PAPOLG: variants seen among roughly 807,000 people sequenced by gnomAD.
The protein encoded by PAPOLG is poly(A) polymerase gamma.
PAPOLG carries 40 observed loss-of-function variants against 99.0 expected under a neutral mutation model. The ratio of observed to expected loss-of-function variants is 0.40; its 90% CI spans 0.31 to 0.53. PAPOLG has a LOEUF of 0.53. Among genes scored for constraint, PAPOLG ranks in the 20% least tolerant of loss-of-function variants. The pLI is 0.41. For synonymous variants in PAPOLG, 310 were observed against 299.3 expected (o/e 1.04, Z -0.37); for missense variants, 675 against 884.1 (o/e 0.76, Z 3.00).
intron 17 of PAPOLG, among the ~76,000 whole-genome samples, chr2:60,792,557 T>C (rs928679367): frequency 6.6e-6 from 1 of 152,136 alleles, no homozygotes; most frequent in African/African-American, 2.4e-5. Flanking sequence ...TCCTCTGCAT[T>C]TTTCCCCCTT....
rs919988750 is a variant in PAPOLG at position 60,801,771 on chromosome 2, C to A, written c.*4611C>A. 5.3e-5 allele frequency: 8 copies of A among 152,176 alleles called. No individual in the cohort carries two copies. The highest frequency in any genetic ancestry group is 1.9e-4 in the African/African-American group (8 of 41,446). 9.4% of individuals were successfully genotyped at this position (152,176 alleles called of 1,614,324 possible). On this transcript the variant is annotated 3_prime_UTR_variant, in exon 22 of 22. Transcript: ENST00000238714. ...TTTCTGAAATAATTTTTCGGATATACTTTTATATTTGAAATTAGTTGAACA... is the reference window on the plus strand; with the variant it reads ...TTTCTGAAATAATTTTTCGGATATAATTTTATATTTGAAATTAGTTGAACA...
intron 14 of PAPOLG, among the ~76,000 whole-genome samples, 196 bp downstream of exon 14, chr2:60,787,262 C>A (rs1358458877): frequency 6.6e-6 from 1 of 152,064 alleles, no homozygotes; most frequent in Non-Finnish European, 1.5e-5. Context: ...CAGCAAAACA[C>A]CATCACAATA....
intron 3 of PAPOLG, among the ~76,000 whole-genome samples, chr2:60,766,031 G>C (rs906056364): frequency 2.6e-5 from 4 of 152,112 alleles, no homozygotes; most frequent in African/African-American, 4.8e-5. Flanking sequence ...TCATTACACA[G>C]AAGCATTAAC....
chr2:60,783,324 C>CTT (rs72172236), intron 13 of PAPOLG, 115 bp downstream of exon 13: 31,813 of 157,636 alleles, frequency 0.2, 4,269 homozygotes, highest in African/African-American at 0.34. Context: ...TATTATATCT[C>CTT]TTTTTTTTTT....
In PAPOLG at chr2:60,797,245, C is replaced by G. The variant is rs1671740139; in HGVS notation, c.*85C>G. The G allele has an allele frequency of 6.6e-7, 1 of 1,512,632 alleles. No individual in the cohort carries two copies. The highest frequency in any genetic ancestry group is 9.1e-7 in the Non-Finnish European group (1 of 1,095,426). The allele number at this position is 1,512,632 out of a possible 1,614,324, so 93.7% of individuals were successfully genotyped here. A position where few individuals can be genotyped will look rare whatever the true frequency, so the allele number is the denominator to read the frequency against. ...TTGTTTTTTAAATAGAAGTGGCTGT[C>G]ATACGTGAAATAAGGTGAAAGTGAC... On this transcript the variant is annotated 3_prime_UTR_variant, in exon 22 of 22. Coordinates refer to ENST00000238714, the MANE Select transcript of PAPOLG (RefSeq NM_022894.4).
intron 15 of PAPOLG, among the ~76,000 whole-genome samples, chr2:60,789,345 A>G (rs577408467): frequency 2.3e-3 from 342 of 151,510 alleles, no homozygotes; most frequent in African/African-American, 7.8e-3. Flanking sequence ...AAAATAAAAT[A>G]GAAAATAAAT....
chr2:60,783,148 T>C lies in PAPOLG; in HGVS notation c.1113-8T>C. 1 of 1,560,462 alleles carries C rather than the reference T, an allele frequency of 6.4e-7. No individual in the cohort carries two copies. Among genetic ancestry groups the C allele is most frequent in the Non-Finnish European group, 8.6e-7 (1 of 1,159,100 alleles). ...TTTTTTTCCTGATTGTTGCTGAAAA[T>C]TCTTCAGACATTATATAGTATTGAC... On this transcript the variant is annotated splice_region_variant and splice_polypyrimidine_tract_variant and intron_variant, in intron 12 of 21. Coordinates refer to ENST00000238714, the MANE Select transcript of PAPOLG (RefSeq NM_022894.4).
intron 13 of PAPOLG, among the ~76,000 whole-genome samples, chr2:60,786,045 C>T (rs1004903019): frequency 3.9e-5 from 6 of 151,944 alleles, no homozygotes; most frequent in African/African-American, 7.3e-5. Context: ...ACTACAATGG[C>T]GTTTTAAATG....
At position 60,798,562 on chromosome 2, in the gene PAPOLG, C is replaced by T. The variant is rs1450207069; in HGVS notation, c.*1402C>T. ...TGTATAGATTACACAGCCAGGAATGCTAGTATCTACCACCTTCTTTAGATT... is the reference window on the plus strand; with the variant it reads ...TGTATAGATTACACAGCCAGGAATGTTAGTATCTACCACCTTCTTTAGATT... On this transcript the variant is annotated 3_prime_UTR_variant, in exon 22 of 22. Transcript: ENST00000238714. 2 of 152,350 alleles carry T rather than the reference C, an allele frequency of 1.3e-5. No individual in the cohort carries two copies. Among genetic ancestry groups the T allele is most frequent in the African/African-American group, 4.8e-5 (2 of 41,426 alleles). The allele number at this position is 152,350 out of a possible 1,614,324, so 9.4% of individuals were successfully genotyped here. A position where few individuals can be genotyped will look rare whatever the true frequency, so the allele number is the denominator to read the frequency against.
In PAPOLG at chr2:60,787,527, A is replaced by G. The variant is rs531545418; in HGVS notation, c.1303A>G (p.Met435Val). 6.6e-5 allele frequency: 106 copies of G among 1,613,776 alleles called. No individual in the cohort carries two copies. Among genetic ancestry groups the G allele is most frequent in the Admixed American group, 3.7e-4 (22 of 59,964 alleles). Residue 435 changes from methionine (M) to valine (V), a missense_variant, in exon 15 of 22, where the codon ATG becomes GTG. Met to Val is a conservative substitution (Grantham distance 21, BLOSUM62 1). Transcript: ENST00000238714. ...EHHKDNNYVS[M>V]WFLGIIFRRV... Reference sequence around the variant, plus strand: ...ACTTTATAGCAACAATTACGTATCAATGTGGTTCCTTGGGATAATTTTTCG... The same window carrying G: ...ACTTTATAGCAACAATTACGTATCAGTGTGGTTCCTTGGGATAATTTTTCG...
intron 21 of PAPOLG, among the ~76,000 whole-genome samples, chr2:60,796,218 T>G (rs1671692455): frequency 1.8e-5 from 2 of 108,572 alleles, no homozygotes; most frequent in East Asian, 2.0e-4. Context: ...CTTTTTTTTT[T>G]TTTTTTTTTT....
intron 3 of PAPOLG, among the ~76,000 whole-genome samples, chr2:60,764,654 G>C (rs2103764370): frequency 6.6e-6 from 1 of 152,206 alleles, no homozygotes; most frequent in East Asian, 1.9e-4. Flanking sequence ...TCGAACTCCT[G>C]AGTTCAAGCA....
chr2:60,792,048 C>T (rs779610276), intron 16 of PAPOLG, 81 bp from the exon 17 acceptor site: 14 of 1,484,246 alleles, frequency 9.4e-6, no homozygotes, highest in Non-Finnish European at 1.3e-5. Flanking sequence ...AGATAATTTG[C>T]TTAAGTGACC....
At chr2:60,783,500 C>CTTTTTTTTTTTTTTTTTTT (rs761205449) in intron 13 of PAPOLG, among the ~76,000 whole-genome samples, 4 of 45,362 alleles carry the variant, frequency 8.8e-5, no homozygotes, top group Non-Finnish European at 1.3e-4. Flanking sequence ...TTTACCCGGC[C>CTTTTTTTTTTTTTTTTTTT]TTTTTTTTTT....
At chr2:60,771,264 A>G (rs1194850612) in intron 6 of PAPOLG, among the ~76,000 whole-genome samples, 1 of 152,196 alleles carries the variant, frequency 6.6e-6, no homozygotes, top group African/African-American at 2.4e-5. Context: ...AAATTTGCTC[A>G]TAAGGCTTTG....
intron 15 of PAPOLG, among the ~76,000 whole-genome samples, chr2:60,788,147 A>G (rs1671423661): frequency 6.6e-6 from 1 of 152,180 alleles, no homozygotes; most frequent in African/African-American, 2.4e-5. Context: ...TTATATAAAA[A>G]TAAAAGAAAA....
At chr2:60,777,115 T>C (rs1277807044) in intron 8 of PAPOLG, among the ~76,000 whole-genome samples, 2 of 152,186 alleles carry the variant, frequency 1.3e-5, no homozygotes, top group Non-Finnish European at 2.9e-5. Context: ...GACTTTGGCC[T>C]AAGGAAACAT....
At chr2:60,792,105 C>G in intron 16 of PAPOLG, 24 bp from the exon 17 acceptor site, 1 of 1,563,244 alleles carries the variant, frequency 6.4e-7, no homozygotes. Context: ...ATTTTGAAAT[C>G]CTAAAATCGT....
intron 1 of PAPOLG, among the ~76,000 whole-genome samples, chr2:60,758,887 A>G (rs945455199): frequency 3.9e-5 from 6 of 152,204 alleles, no homozygotes; most frequent in Non-Finnish European, 7.3e-5. Context: ...GATTGTTTCT[A>G]ATTTTGAGAT....
Sources: gnomAD v4.1 joint callset for allele counts (sites outside exome capture counted in the v4.1 genomes callset) on GRCh38, gnomAD v4.1.1 for gene constraint, MANE v1.5 for transcripts, NCBI Gene and HGNC (gene_info 2026-07-23, HGNC 2026-07-21) for gene names.